The following JAKMIP1 variants were observed in gnomAD, a reference collection of about 807,000 sequenced individuals.
JAKMIP1 encodes the protein janus kinase and microtubule-interacting protein 1.
Under a neutral mutation model 113.0 loss-of-function variants are expected in JAKMIP1, and 33 were observed. That is an observed-to-expected ratio of 0.29 (90% CI 0.22 to 0.39). The LOEUF (loss-of-function observed/expected upper bound fraction) is 0.39. Ranked by LOEUF, JAKMIP1 falls within the 10% of genes least tolerant of loss-of-function variation. The pLI is 1.00. For missense variants in JAKMIP1, 813 were observed against 1,080.5 expected (o/e 0.75, Z 3.47); for synonymous variants, 480 against 459.9 (o/e 1.04, Z -0.56).
rs1727432882 is a variant in JAKMIP1 at position 6,192,958 on chromosome 4, T to C, written c.-148+7295A>G. On this transcript the variant is annotated intron_variant, in intron 1 of 20. Transcript: ENST00000409021. This position sits in a 1 kb window ranked among gnomAD's most constrained non-coding sequence, Gnocchi z 5.0. ...GCAAAGTATTGTTCCTGGGTGTGTC[T>C]GTGAGGGTGTTCCCAAAAGAGATTA... Among the ~76,000 whole-genome samples, 1 of 152,158 alleles carries C rather than the reference T, an allele frequency of 6.6e-6. No individual in the cohort carries two copies. Among genetic ancestry groups the C allele is most frequent in the Non-Finnish European group, 1.5e-5 (1 of 68,026 alleles).
Position 6,042,098 on chromosome 4 carries a change from A to C in JAKMIP1, c.2097+61T>G, listed in dbSNP as rs558391913. Reference sequence around the variant, plus strand: ...AAAACACATGCAAAGCCTTCCTGCAAATCAACCTCTCTGAGCTCTTTGAAC... The same window carrying C: ...AAAACACATGCAAAGCCTTCCTGCACATCAACCTCTCTGAGCTCTTTGAAC... On this transcript the variant is annotated intron_variant, in intron 17 of 20. Coordinates refer to ENST00000409021, the MANE Select transcript of JAKMIP1 (RefSeq NM_001099433.2). This position sits in a 1 kb window ranked among gnomAD's most constrained non-coding sequence, Gnocchi z 5.2. 165 of 1,360,468 alleles carry C rather than the reference A, an allele frequency of 1.2e-4. No individual in the cohort carries two copies. The highest frequency in any genetic ancestry group is 1.6e-4 in the Non-Finnish European group (155 of 955,668). 84.3% of individuals were successfully genotyped at this position (1,360,468 alleles called of 1,614,324 possible).
chr4:6,149,407 C>T (rs1721284902), intron 1 of JAKMIP1, among the ~76,000 whole-genome samples: 1 of 152,166 alleles, frequency 6.6e-6, no homozygotes, highest in Non-Finnish European at 1.5e-5. Flanking sequence ...TGACCCTCGC[C>T]ATCTGTCGTA....
intron 1 of JAKMIP1, among the ~76,000 whole-genome samples, chr4:6,182,790 A>T (rs752043021): frequency 6.6e-6 from 1 of 152,236 alleles, no homozygotes; most frequent in Non-Finnish European, 1.5e-5. Context: ...GTGGAGTGAC[A>T]GTGTGAGTTT....
chr4:6,177,957 T>C (rs1725553510), intron 1 of JAKMIP1, among the ~76,000 whole-genome samples: 1 of 152,152 alleles, frequency 6.6e-6, no homozygotes, highest in Non-Finnish European at 1.5e-5. Flanking sequence ...AACCACTCAA[T>C]CTCACGCTTC....
At position 6,140,526 on chromosome 4, in the gene JAKMIP1, C is replaced by T. The variant is rs977117687; in HGVS notation, c.-147-27529G>A. The stretch of plus-strand genomic sequence containing the variant: ...TAAGGCCCCTTCCAATAATGTGGCT[C>T]GGGTCTTTCTGCAGGGTCAGAGGGA... On this transcript the variant is annotated intron_variant, in intron 1 of 20. Transcript: ENST00000409021. The surrounding 1 kb of genome is among the most constrained non-coding windows in gnomAD (Gnocchi z 9.4). Among the ~76,000 whole-genome samples, 3 of 151,988 alleles carry T rather than the reference C, an allele frequency of 2.0e-5. No individual in the cohort carries two copies. Among genetic ancestry groups the T allele is most frequent in the Non-Finnish European group, 4.4e-5 (3 of 68,008 alleles).
At chr4:6,148,375 C>T (rs537580026) in intron 1 of JAKMIP1, among the ~76,000 whole-genome samples, 2 of 152,330 alleles carry the variant, frequency 1.3e-5, no homozygotes, top group South Asian at 4.1e-4. Flanking sequence ...TTTTGCATTC[C>T]TTTCTTCCTA....
intron 1 of JAKMIP1, among the ~76,000 whole-genome samples, chr4:6,130,563 G>A (rs1045391058): frequency 1.3e-5 from 2 of 152,202 alleles, no homozygotes; most frequent in Non-Finnish European, 2.9e-5. Flanking sequence ...AGACATGGTA[G>A]AGAAGCTGGA....
intron 2 of JAKMIP1, 148 bp downstream of exon 2, chr4:6,112,574 C>T: frequency 1.0e-6 from 1 of 987,718 alleles, no homozygotes; most frequent in Non-Finnish European, 1.5e-6. Context: ...CTCTGTACTG[C>T]AAAGGGACAG....
At chr4:6,109,704 C>T (rs543335802) in intron 2 of JAKMIP1, among the ~76,000 whole-genome samples, 1 of 152,092 alleles carries the variant, frequency 6.6e-6, no homozygotes. Context: ...TAGACAGACA[C>T]GTTTACCACC....
In JAKMIP1 at chr4:6,088,756, G is replaced by A. The variant is rs1220598415; in HGVS notation, c.625-3127C>T. On this transcript the variant is annotated intron_variant, in intron 3 of 20. Transcript: ENST00000409021. The surrounding 1 kb of genome is among the most constrained non-coding windows in gnomAD (Gnocchi z 5.5). ...TCCTGGATCACAAGCTGAGCTCTTA[G>A]TGATCCTATCTCGCTGCCCTTGGGA... 6.6e-6 allele frequency among the ~76,000 whole-genome samples: 1 copy of A among 152,150 alleles called. No individual in the cohort carries two copies. Among genetic ancestry groups the A allele is most frequent in the East Asian group, 1.9e-4 (1 of 5,192 alleles).
chr4:6,062,050 T>A (rs1298335747), intron 10 of JAKMIP1, among the ~76,000 whole-genome samples: 1 of 152,208 alleles, frequency 6.6e-6, no homozygotes, highest in African/African-American at 2.4e-5. Context: ...TCTGAACACA[T>A]GCTCTCCTCC....
intron 3 of JAKMIP1, among the ~76,000 whole-genome samples, chr4:6,096,418 C>T (rs1711775818): frequency 6.6e-6 from 1 of 152,172 alleles, no homozygotes; most frequent in Admixed American, 6.5e-5. Context: ...AACCCTCTGC[C>T]ACATTGTTTA....
intron 19 of JAKMIP1, among the ~76,000 whole-genome samples, chr4:6,035,423 G>A (rs1713282653): frequency 1.3e-5 from 2 of 152,126 alleles, no homozygotes; most frequent in South Asian, 4.2e-4. Flanking sequence ...CAGGAGTCAT[G>A]AAGCCCTCAG....
rs1341397545 is a variant in JAKMIP1, at chr4:6,156,465, A to G, written c.-147-43468T>C. Among the ~76,000 whole-genome samples the G allele has an allele frequency of 6.6e-6, 1 of 152,250 alleles. No homozygotes were observed. The highest frequency in any genetic ancestry group is 6.5e-5 in the Admixed American group (1 of 15,292). ...GAATTCTGATTTAAAAGTTTAAATT[A>G]GCTGCCAACACAGCTAACAGATTGT... On this transcript the variant is annotated intron_variant, in intron 1 of 20. Coordinates refer to ENST00000409021, the MANE Select transcript of JAKMIP1 (RefSeq NM_001099433.2). This position sits in a 1 kb window ranked among gnomAD's most constrained non-coding sequence, Gnocchi z 5.0.
At chr4:6,120,286 G>A (rs1300632792) in intron 1 of JAKMIP1, among the ~76,000 whole-genome samples, 1 of 151,212 alleles carries the variant, frequency 6.6e-6, no homozygotes, top group Non-Finnish European at 1.5e-5. Context: ...AATCCAAATT[G>A]ATTGTACTGA....
Position 6,081,515 on chromosome 4 carries a change from C to A in JAKMIP1, c.1101+94G>T, listed in dbSNP as rs374946294. On this transcript the variant is annotated intron_variant, in intron 6 of 20. Transcript: ENST00000409021. This position sits in a 1 kb window ranked among gnomAD's most constrained non-coding sequence, Gnocchi z 4.6. ...TTTGTGGGGAGGTGGGCAGCAGGTG[C>A]GCCCCAGAACATGTGAATCGGGAGG... 2.1e-6 allele frequency: 3 copies of A among 1,415,688 alleles called. No individual in the cohort carries two copies. Among genetic ancestry groups the A allele is most frequent in the Non-Finnish European group, 2.9e-6 (3 of 1,026,166 alleles). 87.7% of individuals were successfully genotyped at this position (1,415,688 alleles called of 1,614,324 possible).
In JAKMIP1 at chr4:6,167,285, G is replaced by A. The variant is rs1014394837; in HGVS notation, c.-148+32968C>T. Among the ~76,000 whole-genome samples the A allele has an allele frequency of 1.3e-5, 2 of 151,918 alleles. No homozygotes were observed. The highest frequency in any genetic ancestry group is 2.9e-5 in the Non-Finnish European group (2 of 67,982). On this transcript the variant is annotated intron_variant, in intron 1 of 20. Coordinates refer to ENST00000409021, the MANE Select transcript of JAKMIP1 (RefSeq NM_001099433.2). The surrounding 1 kb of genome is among the most constrained non-coding windows in gnomAD (Gnocchi z 5.3). The stretch of plus-strand genomic sequence containing the variant: ...CAGTCCCCATGTCCCATCAGAGCTG[G>A]GACTTCATCTTTCATGTGGCTCCTC...
In JAKMIP1 at chr4:6,031,621, G is replaced by A. The variant is rs1183973196; in HGVS notation, c.2380-1840C>T. Reference sequence around the variant, plus strand: ...GAGGGTCTGGAATGGCCCATGTCCCGATGAGGTGCTCACAGCTTTGGGGTT... The same window carrying A: ...GAGGGTCTGGAATGGCCCATGTCCCAATGAGGTGCTCACAGCTTTGGGGTT... On this transcript the variant is annotated intron_variant, in intron 19 of 20. Transcript: ENST00000409021. The surrounding 1 kb of genome is among the most constrained non-coding windows in gnomAD (Gnocchi z 4.4). Among the ~76,000 whole-genome samples, 2 of 152,190 alleles carry A rather than the reference G, an allele frequency of 1.3e-5. No individual in the cohort carries two copies. Among genetic ancestry groups the A allele is most frequent in the African/African-American group, 4.8e-5 (2 of 41,468 alleles).
At chr4:6,098,522 GAA>G (rs1315531786) in intron 3 of JAKMIP1, among the ~76,000 whole-genome samples, 5 of 76,182 alleles carry the variant, frequency 6.6e-5, no homozygotes, top group East Asian at 5.9e-4. Context: ...AAGGAAGGAA[GAA>G]AGAGAGAGAG....
Sources: gnomAD v4.1 joint callset for allele counts (sites outside exome capture counted in the v4.1 genomes callset) on GRCh38, gnomAD v4.1.1 for gene constraint, Gnocchi (gnomAD v3.1) non-coding constraint, MANE v1.5 for transcripts, NCBI Gene and HGNC (gene_info 2026-07-23, HGNC 2026-07-21) for gene names.